The following BOLA3 variants were observed in gnomAD, a reference collection of about 807,000 sequenced individuals.
The protein encoded by BOLA3 is bolA family member 3.
A neutral mutation model predicts 14.5 loss-of-function variants in BOLA3; 8 were observed. The ratio of observed to expected loss-of-function variants is 0.55; its 90% CI spans 0.32 to 0.99. The LOEUF (loss-of-function observed/expected upper bound fraction) is 0.99, where lower values mean the gene tolerates loss of function less well. Ranked by LOEUF, BOLA3 falls within the 50% of genes least tolerant of loss-of-function variation. The pLI, the probability that BOLA3 is intolerant of heterozygous loss-of-function variation, is 0.04. For synonymous variants in BOLA3, 42 were observed against 45.7 expected (o/e 0.92, Z 0.33); for missense variants, 115 against 138.2 (o/e 0.83, Z 0.84).
chr2:74,141,781 T>C (rs772176203), intron 3 of BOLA3, among the ~76,000 whole-genome samples: 7 of 152,074 alleles, frequency 4.6e-5, no homozygotes, highest in Non-Finnish European at 1.0e-4. Context: ...AAAATAAATA[T>C]GGATAATATT....
intron 2 of BOLA3, 118 bp from the exon 3 acceptor site, chr2:74,142,478 A>T (rs542249009): frequency 1.2e-6 from 1 of 818,342 alleles, no homozygotes; most frequent in Non-Finnish European, 2.1e-6. Flanking sequence ...AGCACAAAGG[A>T]AAGTTGCTAA....
chr2:74,145,447 G>T (rs1692526469), intron 1 of BOLA3, 144 bp from the exon 2 acceptor site: 1 of 694,706 alleles, frequency 1.4e-6, no homozygotes, highest in South Asian at 1.5e-5. Context: ...ATGTCAGAGG[G>T]GCTCTGTGGT....
At chr2:74,138,035 C>A (rs1049611961) in intron 3 of BOLA3, among the ~76,000 whole-genome samples, 4 of 152,164 alleles carry the variant, frequency 2.6e-5, no homozygotes, top group African/African-American at 9.7e-5. Context: ...TGGGCTTCAC[C>A]CACTCAGGCC....
At chr2:74,137,364 A>G (rs1169935266) in intron 3 of BOLA3, among the ~76,000 whole-genome samples, 3 of 152,228 alleles carry the variant, frequency 2.0e-5, no homozygotes, top group African/African-American at 7.2e-5. Flanking sequence ...TAGCAGGAGA[A>G]AAGGAGACCA....
At position 74,147,912 on chromosome 2, in the gene BOLA3, T is replaced by G; in HGVS notation, c.-38A>C. On this transcript the variant is annotated 5_prime_UTR_variant, in exon 1 of 4. Transcript: ENST00000327428. ...TGACCCGCCGCCCGAGGTCACTGTA[T>G]GCCCGAAAGACGCGGAGCGGGGGAC... 1 of 1,494,416 alleles carries G rather than the reference T, an allele frequency of 6.7e-7. No homozygotes were observed. The highest frequency in any genetic ancestry group is 8.9e-7 in the Non-Finnish European group (1 of 1,128,438). The allele number at this position is 1,494,416 out of a possible 1,614,324, so 92.6% of individuals were successfully genotyped here.
chr2:74,138,708 T>C lies in BOLA3; in HGVS notation c.259-3050A>G, dbSNP rs1433220639. 3.3e-5 allele frequency among the ~76,000 whole-genome samples: 5 copies of C among 152,148 alleles called. No individual in the cohort carries two copies. The South Asian group carries it at 1.0e-3, about 32-fold the overall frequency. On this transcript the variant is annotated intron_variant, in intron 3 of 3. Transcript: ENST00000327428. ...AAAGGCTCTGAGCAGGGGAAAGACA[T>C]TGGTGGAGGCGCCTTAGGGGAGGGC...
Position 74,136,112 on chromosome 2 carries a change from G to A in BOLA3, c.259-454C>T, listed in dbSNP as rs575769535. ...CTACAGGCACATGCCACCATGCCTG[G>A]CTAATTTTTTTATTTTTTGTAGAGG... On this transcript the variant is annotated intron_variant, in intron 3 of 3. Coordinates refer to ENST00000327428, the MANE Select transcript of BOLA3 (RefSeq NM_212552.3). Among the ~76,000 whole-genome samples the A allele has an allele frequency of 1.4e-4, 21 of 152,196 alleles. 1 individual carries two copies. Among genetic ancestry groups the A allele is most frequent in the Middle Eastern group, 6.8e-3 (2 of 294 alleles).
intron 3 of BOLA3, among the ~76,000 whole-genome samples, chr2:74,137,640 A>G (rs564316667): frequency 6.6e-6 from 1 of 152,206 alleles, no homozygotes; most frequent in African/African-American, 2.4e-5. Flanking sequence ...CAAGCGAGTA[A>G]TGGAATCAGG....
intron 2 of BOLA3, among the ~76,000 whole-genome samples, chr2:74,144,627 A>G (rs1442707379): frequency 6.6e-6 from 1 of 152,206 alleles, no homozygotes; most frequent in Admixed American, 6.5e-5. Flanking sequence ...TCTAGGTGCC[A>G]GTGGCCACCT....
chr2:74,147,653 G>A, intron 1 of BOLA3, 168 bp downstream of exon 1: 1 of 689,940 alleles, frequency 1.4e-6, no homozygotes, highest in Non-Finnish European at 2.5e-6. Context: ...GTCGCTGAGT[G>A]AATGAATGAA....
chr2:74,143,438 C>T (rs1463907770), intron 2 of BOLA3, among the ~76,000 whole-genome samples: 1 of 152,134 alleles, frequency 6.6e-6, no homozygotes, highest in Non-Finnish European at 1.5e-5. Flanking sequence ...GGATTACAGG[C>T]GTGAGCCACC....
At chr2:74,145,750 G>A (rs1357056641) in intron 1 of BOLA3, 2 of 220,288 alleles carry the variant, frequency 9.1e-6, no homozygotes, top group East Asian at 1.1e-4. Flanking sequence ...CTGGATGGTG[G>A]GGCCAAATTC....
At chr2:74,146,565 G>C (rs1692549674) in intron 1 of BOLA3, 1 of 152,270 alleles carries the variant, frequency 6.6e-6, no homozygotes, top group South Asian at 2.1e-4. Flanking sequence ...CCAAGTAAGA[G>C]GCATTACAAT....
chr2:74,145,885 G>A (rs1053856941), intron 1 of BOLA3: 1 of 153,942 alleles, frequency 6.5e-6, no homozygotes, highest in Non-Finnish European at 1.4e-5. Context: ...TGGGAGCAAA[G>A]TCAGAATTCT....
chr2:74,143,187 G>A (rs1423250936), intron 2 of BOLA3, among the ~76,000 whole-genome samples: 1 of 151,310 alleles, frequency 6.6e-6, no homozygotes, highest in Non-Finnish European at 1.5e-5. Context: ...ATGGAGTCTC[G>A]CTCTGTCGCC....
At chr2:74,144,183 T>A (rs1216631405) in intron 2 of BOLA3, among the ~76,000 whole-genome samples, 1 of 141,708 alleles carries the variant, frequency 7.1e-6, no homozygotes, top group African/African-American at 2.9e-5. Flanking sequence ...TTTTTGTATT[T>A]TTAGTAGAGA....
At chr2:74,136,038 C>T (rs113732777) in intron 3 of BOLA3, among the ~76,000 whole-genome samples, 2,563 of 151,734 alleles carry the variant, frequency 0.017, 29 homozygotes, top group South Asian at 0.046. Context: ...CAAACTCCAC[C>T]TCCTGGGCTC....
intron 2 of BOLA3, among the ~76,000 whole-genome samples, chr2:74,144,464 A>C (rs1692505172): frequency 6.6e-6 from 1 of 152,200 alleles, no homozygotes; most frequent in Admixed American, 6.5e-5. Context: ...GGGTATGGAG[A>C]GATTCAGACT....
chr2:74,136,071 T>C (rs190276027), intron 3 of BOLA3, among the ~76,000 whole-genome samples: 101 of 151,594 alleles, frequency 6.7e-4, no homozygotes, highest in Non-Finnish European at 1.8e-4. Context: ...TGCTTCAGCC[T>C]CCCTAGTAGC....
Sources: allele counts gnomAD v4.1 joint callset (sites outside exome capture counted in the v4.1 genomes callset), GRCh38; gene constraint gnomAD v4.1.1; transcripts MANE v1.5; gene names NCBI Gene and HGNC (gene_info 2026-07-23, HGNC 2026-07-21).